The following TANC2 variants were observed in gnomAD, a reference collection of about 807,000 sequenced individuals.
TANC2 encodes protein TANC2.
TANC2 carries 26 observed loss-of-function variants against 210.5 expected under a neutral mutation model. That is an observed-to-expected ratio of 0.12 (90% CI 0.09 to 0.17). The LOEUF is 0.17. Among genes scored for constraint, TANC2 ranks in the 10% least tolerant of loss-of-function variants. The pLI, the probability that TANC2 is intolerant of heterozygous loss-of-function variation, is 1.00. For missense variants in TANC2, 2,129 were observed against 2,608.9 expected (o/e 0.82, Z 4.01); for synonymous variants, 931 against 967.1 (o/e 0.96, Z 0.69).
intron 7 of TANC2, among the ~76,000 whole-genome samples, chr17:63,229,770 A>ATTTTTTTTTTTTTTTTTTTTTAT (rs200009079): frequency 7.7e-6 from 1 of 130,556 alleles, no homozygotes; most frequent in Non-Finnish European, 1.6e-5. Flanking sequence ...GATTGTTTGT[A>ATTTTTTTTTTTTTTTTTTTTTAT]TTTTTTTTTT....
intron 1 of TANC2, among the ~76,000 whole-genome samples, chr17:62,972,276 C>G (rs2031744532): frequency 6.6e-6 from 1 of 152,064 alleles, no homozygotes; most frequent in Non-Finnish European, 1.5e-5. Flanking sequence ...TATGTTCGGT[C>G]TCTTGTTTGC....
chr17:63,368,988 T>C (rs2146999901), intron 14 of TANC2, among the ~76,000 whole-genome samples: 1 of 152,338 alleles, frequency 6.6e-6, no homozygotes, highest in South Asian at 2.1e-4. Context: ...CCATATCTTT[T>C]TAGTTGCCAC....
intron 9 of TANC2, among the ~76,000 whole-genome samples, chr17:63,279,278 C>T (rs1361943459): frequency 1.3e-5 from 2 of 152,088 alleles, no homozygotes; most frequent in Admixed American, 6.6e-5. Flanking sequence ...AAAGCATGAC[C>T]ATCACTAGCA....
At chr17:63,406,346 C>T in intron 21 of TANC2, 69 bp downstream of exon 21, 7 of 1,589,886 alleles carry the variant, frequency 4.4e-6, no homozygotes, top group Non-Finnish European at 3.4e-6. Flanking sequence ...TGATTTCCAG[C>T]AATGGATCCC....
At chr17:63,001,480 G>C (rs912639337) in intron 1 of TANC2, among the ~76,000 whole-genome samples, 5 of 150,736 alleles carry the variant, frequency 3.3e-5, no homozygotes, top group African/African-American at 1.2e-4. Context: ...AGGTGTTGTG[G>C]TTAAAAAGAT....
chr17:63,081,993 G>A (rs7215600), intron 3 of TANC2, among the ~76,000 whole-genome samples: 12,164 of 151,574 alleles, frequency 0.08, 732 homozygotes, highest in African/African-American at 0.18. Flanking sequence ...GTGAAACCCC[G>A]TCTCTACTAA....
intron 5 of TANC2, among the ~76,000 whole-genome samples, chr17:63,168,585 A>G (rs1041016897): frequency 6.6e-6 from 1 of 152,242 alleles, no homozygotes; most frequent in Non-Finnish European, 1.5e-5. Flanking sequence ...AAGCCAGCAT[A>G]TACTTAAAAA....
intron 9 of TANC2, among the ~76,000 whole-genome samples, chr17:63,299,372 A>G (rs971413792): frequency 2.6e-5 from 4 of 152,036 alleles, no homozygotes; most frequent in African/African-American, 7.2e-5. Flanking sequence ...TTTTTTAACT[A>G]ATTTATATTC....
intron 19 of TANC2, 31 bp downstream of exon 19, chr17:63,398,945 G>A (rs372995711): frequency 1.2e-4 from 187 of 1,505,908 alleles, no homozygotes; most frequent in African/African-American, 8.8e-4. Context: ...CCTCAAGAAT[G>A]TGTTGTGTTT....
chr17:62,997,065 A>G (rs1356854733), intron 1 of TANC2, among the ~76,000 whole-genome samples: 2 of 146,764 alleles, frequency 1.4e-5, no homozygotes, highest in Admixed American at 6.8e-5. Context: ...TCTGCCCGCC[A>G]TAGCCTCCCA....
chr17:63,392,486 T>C (rs1044553707), intron 17 of TANC2, among the ~76,000 whole-genome samples: 10 of 152,200 alleles, frequency 6.6e-5, no homozygotes, highest in African/African-American at 2.4e-4. Context: ...TTCAATGTTA[T>C]CCTCAAAAGA....
intron 5 of TANC2, among the ~76,000 whole-genome samples, chr17:63,181,218 G>A (rs1360894279): frequency 1.3e-5 from 2 of 152,030 alleles, no homozygotes; most frequent in Non-Finnish European, 2.9e-5. Context: ...GTTTGTTAGT[G>A]ATACATATCT....
At chr17:63,415,723 G>C in intron 26 of TANC2, 49 bp downstream of exon 26, 1 of 1,589,400 alleles carries the variant, frequency 6.3e-7, no homozygotes, top group East Asian at 2.2e-5. Flanking sequence ...GTAGCTGATA[G>C]CCTGTGTCAC....
intron 7 of TANC2, among the ~76,000 whole-genome samples, 170 bp downstream of exon 7, chr17:63,201,127 T>C (rs1207322238): frequency 6.6e-6 from 1 of 152,150 alleles, no homozygotes; most frequent in Non-Finnish European, 1.5e-5. Flanking sequence ...GTAAACAAAA[T>C]GAAAGGTATT....
Position 63,418,461 on chromosome 17 carries a change from C to A in TANC2, c.4268+54C>A. 6.5e-7 allele frequency: 1 copy of A among 1,547,736 alleles called. No homozygotes were observed. Among genetic ancestry groups the A allele is most frequent in the Non-Finnish European group, 8.8e-7 (1 of 1,139,780 alleles). On this transcript the variant is annotated intron_variant, in intron 27 of 27. Transcript: ENST00000689528. This position sits in a 1 kb window ranked among gnomAD's most constrained non-coding sequence, Gnocchi z 4.6. ...AGAGGTCTCTTTTCTGAAAATTTGG[C>A]CAAGGCAGCGTCGGCCACCCTGGGG...
At chr17:63,084,896 T>C (rs2036904124) in intron 3 of TANC2, among the ~76,000 whole-genome samples, 1 of 152,194 alleles carries the variant, frequency 6.6e-6, no homozygotes, top group South Asian at 2.1e-4. Context: ...TTGCCCAGAA[T>C]GTGTTCACTT....
exon 28 of TANC2, chr17:63,426,221 TTCTC>T (rs1285384115): frequency 6.6e-6 from 1 of 152,258 alleles, no homozygotes; most frequent in East Asian, 1.9e-4. Context: ...GTGCAGCTCT[TTCTC>T]CTCTTCCTCT....
intron 7 of TANC2, among the ~76,000 whole-genome samples, chr17:63,226,811 T>G (rs1598647849): frequency 1.3e-5 from 2 of 152,138 alleles, no homozygotes; most frequent in East Asian, 1.9e-4. Flanking sequence ...GTCCATATGT[T>G]CTCATTGTTC....
At chr17:63,011,051 T>C (rs1042382505) in intron 2 of TANC2, among the ~76,000 whole-genome samples, 1 of 152,132 alleles carries the variant, frequency 6.6e-6, no homozygotes, top group South Asian at 2.1e-4. Flanking sequence ...CTGACTCTCA[T>C]GGTAGGCCTC....
Sources: gnomAD v4.1 joint callset for allele counts (sites outside exome capture counted in the v4.1 genomes callset) on GRCh38, gnomAD v4.1.1 for gene constraint, Gnocchi (gnomAD v3.1) non-coding constraint, MANE v1.5 for transcripts, NCBI Gene and HGNC (gene_info 2026-07-23, HGNC 2026-07-21) for gene names.